Variants in SPAG8 observed in about 807,000 individuals in gnomAD.
The protein encoded by SPAG8 is sperm associated antigen 8.
In SPAG8, 36 loss-of-function variants were observed where a neutral mutation model predicts 45.3. The observed-to-expected ratio is 0.80, with a 90% CI of 0.61 to 1.05. The LOEUF is 1.05. Among genes scored for constraint, SPAG8 ranks in the 50% least tolerant of loss-of-function variants. The probability of loss-of-function intolerance (pLI) is 0.00; values close to 1 mark genes in which losing one functional copy is unlikely to be tolerated. For missense variants in SPAG8, 573 were observed against 609.2 expected, an observed-to-expected ratio of 0.94 and a Z score of 0.63; for synonymous variants, 227 against 232.6, an observed-to-expected ratio of 0.98 and a Z score of 0.22.
Position 35,811,612 on chromosome 9 carries a change from G to T in SPAG8, c.434C>A (p.Pro145His), listed in dbSNP as rs753206104. 3.1e-6 allele frequency: 5 copies of T among 1,614,136 alleles called. No individual in the cohort carries two copies. Among genetic ancestry groups the T allele is most frequent in the Non-Finnish European group, 4.2e-6 (5 of 1,179,986 alleles). The change falls in exon 2 of 7, where the codon CCT (proline) becomes CAT (histidine). Residue 145 changes from proline to histidine, a missense_variant. Transcript: ENST00000396638. ...AGCACCTGAGCTGGAACCAAGAACA[G>T]GCCCAGAGCTAGAGCCTGGAACAGG... The part of the protein sequence containing the change: ...PGPVPGSSSG[P>H]VLGSSSGAGH...
rs1008216294 is a variant in SPAG8 at position 35,811,865 on chromosome 9, T to C, written c.181A>G (p.Thr61Ala). 1.2e-6 allele frequency: 2 copies of C among 1,610,594 alleles called. No individual in the cohort carries two copies. The highest frequency in any genetic ancestry group is 1.7e-6 in the Non-Finnish European group (2 of 1,177,404). The change falls in exon 2 of 7, where the codon ACT becomes GCT. Residue 61 changes from threonine (T) to alanine (A), a missense_variant. Transcript: ENST00000396638. The stretch of plus-strand genomic sequence containing the variant: ...GCTTTGGCAGTGGTGAAGGCTGCAG[T>C]AGCTGCAGCAGCTGATGCAGCCGCT... ...AAAAASAAAA[T>A]AAFTTAKAAA...
At chr9:35,809,594 C>G (rs977861184), downstream of SPAG8, 1 of 1,320,090 alleles carries the variant, frequency 7.6e-7, no homozygotes, top group Admixed American at 1.7e-5. This position sits in a 1 kb window ranked among gnomAD's most constrained non-coding sequence, Gnocchi z 4.1. Flanking sequence ...AGTTGTAGCC[C>G]TCTGCAGCTC....
In SPAG8 at chr9:35,811,742, A is replaced by G; in HGVS notation, c.304T>C (p.Phe102Leu). The stretch of plus-strand genomic sequence containing the variant: ...CTCCCATGGGCTATATTGTGGGTAA[A>G]GCCGGGTCCCGCACAGGGCTCCCCA... ...LLGEPCAGPGFTHNIAHGSLG... is the reference protein window; with the variant it reads ...LLGEPCAGPGLTHNIAHGSLG... The change falls in exon 2 of 7, where the codon TTT (phenylalanine) becomes CTT (leucine). Residue 102 changes from phenylalanine to leucine, a missense_variant. Transcript: ENST00000396638. The G allele has an allele frequency of 6.2e-7, 1 of 1,614,244 alleles. No individual in the cohort carries two copies. Among genetic ancestry groups the G allele is most frequent in the Non-Finnish European group, 8.5e-7 (1 of 1,180,032 alleles).
Position 35,812,136 on chromosome 9 carries a change from G to T in SPAG8, c.12C>A (p.Asn4Lys). 1.9e-6 allele frequency: 3 copies of T among 1,607,106 alleles called. No individual in the cohort carries two copies. The highest frequency in any genetic ancestry group is 2.5e-6 in the Non-Finnish European group (3 of 1,179,990). The change falls in exon 1 of 7, where the codon AAC becomes AAA. Residue 4 changes from asparagine to lysine, a missense_variant. Asn to Lys is a moderately conservative substitution (Grantham distance 94, BLOSUM62 0). Transcript: ENST00000396638. ...GCGACCGCGATCCCTCCGTAGACTC[G>T]TTGGTCTCCATCTTCAGACTCCAGC... METNESTEGSRSRS... is the reference protein window; with the variant it reads METKESTEGSRSRS...
rs1828711935 is a variant in SPAG8 at position 35,810,302 on chromosome 9, T to C, written c.1208A>G (p.Asp403Gly). Reference sequence around the variant, plus strand: ...GGTCTCAGGTTGCTCCTGGCGGTAGTCGTGAGGCTGTGAGGGAGGGTACTG... The same window carrying C: ...GGTCTCAGGTTGCTCCTGGCGGTAGCCGTGAGGCTGTGAGGGAGGGTACTG... ...AGTPAPTKPH[D>G]YRQEQPETFW... The change falls in exon 6 of 7, where the codon GAC (aspartate) becomes GGC (glycine). Residue 403 changes from aspartate to glycine, a missense_variant. Asp to Gly is a moderately conservative substitution (Grantham distance 94). Transcript: ENST00000396638. The C allele has an allele frequency of 1.2e-6, 2 of 1,614,164 alleles. No homozygotes were observed. The highest frequency in any genetic ancestry group is 2.7e-5 in the African/African-American group (2 of 75,060).
downstream of SPAG8, chr9:35,809,375 TC>T (rs758121945): frequency 6.8e-6 from 11 of 1,614,106 alleles, no homozygotes; most frequent in East Asian, 2.5e-4. The surrounding 1 kb of genome is among the most constrained non-coding windows in gnomAD (Gnocchi z 4.1). Context: ...CTCTCCCACT[TC>T]CAGGGAAAAG....
chr9:35,810,171 C>T, intron 6 of SPAG8, 39 bp from the exon 7 acceptor site: 1 of 1,608,620 alleles, frequency 6.2e-7, no homozygotes, highest in Non-Finnish European at 8.5e-7. Context: ...CCCACTCTCC[C>T]CAAGCCAGAA....
Position 35,812,094 on chromosome 9 carries a change from C to T in SPAG8, c.44+10G>A. The stretch of plus-strand genomic sequence containing the variant: ...CCCCTTATGCCTGCAGCCAGAGCTG[C>T]GGCTCTCACCGCGACCGCGACCGCG... On this transcript the variant is annotated intron_variant, in intron 1 of 6. Coordinates refer to ENST00000396638, the MANE Select transcript of SPAG8 (RefSeq NM_001039592.2). 12 of 1,611,372 alleles carry T rather than the reference C, an allele frequency of 7.4e-6. No individual in the cohort carries two copies. The highest frequency in any genetic ancestry group is 1.0e-5 in the Non-Finnish European group (12 of 1,179,958).
Position 35,812,184 on chromosome 9 carries a change from C to G in SPAG8, c.-37G>C, listed in dbSNP as rs1564000157. ...AGCTACTGGGTTGCCATAGAGACAGCAAACAACTCCTGGAGCCTGCGCAGA... is the reference window on the plus strand; with the variant it reads ...AGCTACTGGGTTGCCATAGAGACAGGAAACAACTCCTGGAGCCTGCGCAGA... On this transcript the variant is annotated 5_prime_UTR_variant, in exon 1 of 7. Transcript: ENST00000396638. 1 of 1,598,944 alleles carries G rather than the reference C, an allele frequency of 6.3e-7. No individual in the cohort carries two copies. The highest frequency in any genetic ancestry group is 1.1e-5 in the South Asian group (1 of 90,878).
chr9:35,812,190 ACTC>A lies in SPAG8; in HGVS notation c.-46_-44del. ...TGGGTTGCCATAGAGACAGCAAACA[ACTC>A]CTGGAGCCTGCGCAGAAGTACAGCT... On this transcript the variant is annotated 5_prime_UTR_variant, in exon 1 of 7. Transcript: ENST00000396638. 2 of 1,594,802 alleles carry A rather than the reference ACTC, an allele frequency of 1.3e-6. No individual in the cohort carries two copies. The highest frequency in any genetic ancestry group is 2.2e-5 in the East Asian group (1 of 44,830).
chr9:35,808,051 TAAA>T, downstream of SPAG8: 1 of 750,928 alleles, frequency 1.3e-6, no homozygotes, highest in South Asian at 1.6e-5. This position sits in a 1 kb window ranked among gnomAD's most constrained non-coding sequence, Gnocchi z 4.0. Context: ...TGTATTTCCT[TAAA>T]ACAATGGCAT....
At position 35,811,105 on chromosome 9, in the gene SPAG8, C is replaced by G. The variant is rs759244693; in HGVS notation, c.865-48G>C. Reference sequence around the variant, plus strand: ...CTATAATATCCCTTCTGGTACCCACCCTCATGTAAACTACTGCCTCCCCTA... The same window carrying G: ...CTATAATATCCCTTCTGGTACCCACGCTCATGTAAACTACTGCCTCCCCTA... On this transcript the variant is annotated intron_variant, in intron 2 of 6. Coordinates refer to ENST00000396638, the MANE Select transcript of SPAG8 (RefSeq NM_001039592.2). 5 of 1,583,170 alleles carry G rather than the reference C, an allele frequency of 3.2e-6. No homozygotes were observed. In the East Asian group the frequency reaches 6.7e-5, roughly 21 times the overall value.
chr9:35,809,092 A>G (rs1828599655), downstream of SPAG8: 1 of 1,440,706 alleles, frequency 6.9e-7, no homozygotes, highest in South Asian at 1.1e-5. This position sits in a 1 kb window ranked among gnomAD's most constrained non-coding sequence, Gnocchi z 4.1. Flanking sequence ...CAGTATCACC[A>G]ATTATTTGAT....
In SPAG8 at chr9:35,809,960, C is replaced by G. The variant is rs202025755; in HGVS notation, c.1436G>C (p.Gly479Ala). 73 of 1,585,442 alleles carry G rather than the reference C, an allele frequency of 4.6e-5. No individual in the cohort carries two copies. Among genetic ancestry groups the G allele is most frequent in the Admixed American group, 2.5e-4 (14 of 56,136 alleles). ...CCCTCAGAAAGGAGTCATTCTCCCC[C>G]CTCCACCACCCAGCCTTCCTCCGGG... ...PCPGGRLGGGGGRMTPF is the reference protein window; with the variant it reads ...PCPGGRLGGGAGRMTPF The change falls in exon 7 of 7, where the codon GGG becomes GCG. Residue 479 changes from glycine to alanine, a missense_variant. Coordinates refer to ENST00000396638, the MANE Select transcript of SPAG8 (RefSeq NM_001039592.2). This position sits in a 1 kb window ranked among gnomAD's most constrained non-coding sequence, Gnocchi z 4.1.
At position 35,812,226 on chromosome 9, in the gene SPAG8, C is replaced by G. The variant is rs1042424636; in HGVS notation, c.-79G>C. ...CTGCGCAGAAGTACAGCTGGGCGGA[C>G]TTGCAGGTGGCGGTGGAGGCAAGTC... On this transcript the variant is annotated 5_prime_UTR_variant, in exon 1 of 7. Transcript: ENST00000396638. The G allele has an allele frequency of 1.4e-5, 22 of 1,533,926 alleles. No homozygotes were observed. The East Asian group carries it at 4.9e-4, about 34-fold the overall frequency.
Position 35,811,750 on chromosome 9 carries a change from C to A in SPAG8, c.296G>T (p.Gly99Val). ...GGCTATATTGTGGGTAAAGCCGGGTCCCGCACAGGGCTCCCCAAGAAGGCT... is the reference window on the plus strand; with the variant it reads ...GGCTATATTGTGGGTAAAGCCGGGTACCGCACAGGGCTCCCCAAGAAGGCT... The part of the protein sequence containing the change: ...DPSLLGEPCA[G>V]PGFTHNIAHG... Residue 99 changes from glycine (G) to valine (V), a missense_variant, in exon 2 of 7, where the codon GGA (glycine) becomes GTA (valine). Coordinates refer to ENST00000396638, the MANE Select transcript of SPAG8 (RefSeq NM_001039592.2). The A allele has an allele frequency of 6.2e-7, 1 of 1,614,230 alleles. No homozygotes were observed. The highest frequency in any genetic ancestry group is 2.2e-5 in the East Asian group (1 of 44,882).
At chr9:35,810,208 G>A (rs1331436533) in intron 6 of SPAG8, 39 bp downstream of exon 6, 3 of 1,611,970 alleles carry the variant, frequency 1.9e-6, no homozygotes, top group East Asian at 2.2e-5. Context: ...TACCTTTCCT[G>A]CCCCGCTCTG....
downstream of SPAG8, chr9:35,808,349 T>C (rs765836837): frequency 6.8e-7 from 1 of 1,465,298 alleles, no homozygotes; most frequent in Non-Finnish European, 9.6e-7. This position sits in a 1 kb window ranked among gnomAD's most constrained non-coding sequence, Gnocchi z 4.0. Context: ...AGACATCTCC[T>C]CTCCCCTAGA....
Position 35,811,261 on chromosome 9 carries a change from G to A in SPAG8, c.785C>T (p.Pro262Leu), listed in dbSNP as rs146436726. 2.8e-5 allele frequency: 45 copies of A among 1,612,710 alleles called. No homozygotes were observed. Among genetic ancestry groups the A allele is most frequent in the African/African-American group, 4.0e-5 (3 of 74,816 alleles). The change falls in exon 2 of 7, where the codon CCA (proline) becomes CTA (leucine). Residue 262 changes from proline to leucine, a missense_variant. Coordinates refer to ENST00000396638, the MANE Select transcript of SPAG8 (RefSeq NM_001039592.2). ...EPGARGLWKP[P>L]DIKGKLMVCY... ...AACCATAAGCTTCCCTTTAATGTCT[G>A]GGGGTTTCCATAGTCCTCGGGCACC...
Sources: allele counts gnomAD v4.1 joint callset, GRCh38; gene constraint gnomAD v4.1.1; non-coding constraint Gnocchi (gnomAD v3.1); transcripts MANE v1.5; gene names NCBI Gene and HGNC (gene_info 2026-07-23, HGNC 2026-07-21).